The following DPY19L1 variants were observed in gnomAD, a reference collection of about 807,000 sequenced individuals.
DPY19L1 encodes the protein protein C-mannosyl-transferase DPY19L1.
Under a neutral mutation model 96.9 loss-of-function variants are expected in DPY19L1, and 35 were observed. The observed-to-expected ratio is 0.36, with a 90% CI of 0.28 to 0.48. DPY19L1 has a LOEUF of 0.48. DPY19L1 is among the 20% of genes least tolerant of loss of function. The pLI is 0.99. For missense variants in DPY19L1, 521 were observed against 777.9 expected, an observed-to-expected ratio of 0.67 and a Z score of 3.93; for synonymous variants, 205 against 252.6, an observed-to-expected ratio of 0.81 and a Z score of 1.79.
In DPY19L1 at chr7:34,939,267, T is replaced by C; in HGVS notation, c.1964+9A>G. On this transcript the variant is annotated intron_variant, in intron 20 of 21. Transcript: ENST00000638088. Reference sequence around the variant, plus strand: ...GGTTTGTTTTGATGATGCAAGACTGTGCACTGACCTCAAGCCTGCGTCTTC... The same window carrying C: ...GGTTTGTTTTGATGATGCAAGACTGCGCACTGACCTCAAGCCTGCGTCTTC... 2 of 1,612,106 alleles carry C rather than the reference T, an allele frequency of 1.2e-6. No homozygotes were observed. Among genetic ancestry groups the C allele is most frequent in the Non-Finnish European group, 1.7e-6 (2 of 1,179,338 alleles).
chr7:35,022,803 T>C (rs1426237246), intron 1 of DPY19L1, among the ~76,000 whole-genome samples: 2 of 152,190 alleles, frequency 1.3e-5, no homozygotes, highest in Non-Finnish European at 1.5e-5. Flanking sequence ...TCATCCTTTT[T>C]CACCAATGGA....
intron 13 of DPY19L1, among the ~76,000 whole-genome samples, chr7:34,950,740 A>G (rs548572442): frequency 2.6e-5 from 4 of 152,350 alleles, no homozygotes; most frequent in East Asian, 1.9e-4. Flanking sequence ...GCTGATAAGC[A>G]TAAGAAATCA....
At chr7:34,983,636 T>C (rs1007308056) in intron 7 of DPY19L1, among the ~76,000 whole-genome samples, 19 of 148,908 alleles carry the variant, frequency 1.3e-4, no homozygotes, top group Middle Eastern at 3.4e-3. Flanking sequence ...CCAACTCCTA[T>C]ACATGGCAAG....
At chr7:34,967,348 T>A (rs1784633080) in intron 9 of DPY19L1, among the ~76,000 whole-genome samples, 1 of 152,158 alleles carries the variant, frequency 6.6e-6, no homozygotes, top group Non-Finnish European at 1.5e-5. Context: ...GAAGGTACAT[T>A]TAACTGAAAA....
At chr7:34,982,879 G>T (rs1380675951) in intron 7 of DPY19L1, among the ~76,000 whole-genome samples, 1 of 152,118 alleles carries the variant, frequency 6.6e-6, no homozygotes, top group Non-Finnish European at 1.5e-5. Flanking sequence ...TTGGTTTCGG[G>T]GCCTTGGCAC....
chr7:35,023,000 T>G (rs550726557), intron 1 of DPY19L1, among the ~76,000 whole-genome samples: 1 of 152,268 alleles, frequency 6.6e-6, no homozygotes, highest in East Asian at 1.9e-4. Flanking sequence ...ATTTCCTTCC[T>G]GCCCCAGCTC....
At chr7:34,984,190 A>C (rs765251363) in intron 7 of DPY19L1, among the ~76,000 whole-genome samples, 2 of 152,342 alleles carry the variant, frequency 1.3e-5, no homozygotes, top group Non-Finnish European at 2.9e-5. Flanking sequence ...TGCTAAATAA[A>C]ATTCTTAAAA....
intron 6 of DPY19L1, among the ~76,000 whole-genome samples, chr7:34,993,608 GC>G (rs984994888): frequency 8.2e-6 from 1 of 121,398 alleles, no homozygotes. Flanking sequence ...TCCCAACCCT[GC>G]CCCCCCACCC....
At chr7:34,939,187 A>G (rs1783938665) in intron 20 of DPY19L1, 89 bp downstream of exon 20, 2 of 1,178,062 alleles carry the variant, frequency 1.7e-6, no homozygotes, top group African/African-American at 3.1e-5. Context: ...TATCCTTTTG[A>G]AACATTCCTT....
chr7:34,932,395 A>T (rs1179702934), intron 21 of DPY19L1, among the ~76,000 whole-genome samples: 1 of 152,220 alleles, frequency 6.6e-6, no homozygotes, highest in Admixed American at 6.5e-5. Flanking sequence ...CATCAAATAC[A>T]AATGCTATTT....
chr7:35,011,654 A>G (rs1203068606), intron 4 of DPY19L1, among the ~76,000 whole-genome samples: 1 of 152,208 alleles, frequency 6.6e-6, no homozygotes, highest in East Asian at 1.9e-4. Flanking sequence ...TCCATGGGTA[A>G]GGACAAAATA....
chr7:35,017,565 A>C lies in DPY19L1; in HGVS notation c.411+317T>G, dbSNP rs556955347. 8.5e-3 allele frequency among the ~76,000 whole-genome samples: 1,194 copies of C among 141,012 alleles called. 21 individuals are homozygous for C. Among genetic ancestry groups the C allele is most frequent in the African/African-American group, 0.03 (1,144 of 37,774 alleles). The allele number at this position is 141,012 out of a possible 152,430, so 92.5% of individuals were successfully genotyped here. ...CAGGCACCTGTAGTCCCAGCTACTC[A>C]GGAGGCTGAGGCAGGAGAATGGCGT... On this transcript the variant is annotated intron_variant, in intron 3 of 21. Transcript: ENST00000638088.
intron 6 of DPY19L1, among the ~76,000 whole-genome samples, chr7:35,003,184 A>G (rs896533575): frequency 2.0e-5 from 3 of 152,212 alleles, no homozygotes; most frequent in African/African-American, 4.8e-5. Context: ...CTTCCCAGCT[A>G]TCTACTCTCA....
intron 7 of DPY19L1, among the ~76,000 whole-genome samples, chr7:34,985,798 C>A (rs886914993): frequency 2.0e-5 from 3 of 151,844 alleles, no homozygotes; most frequent in African/African-American, 7.2e-5. Flanking sequence ...AATAGCAATC[C>A]CACTTCAGAG....
intron 1 of DPY19L1, among the ~76,000 whole-genome samples, chr7:35,023,837 T>C (rs1323439533): frequency 1.4e-5 from 2 of 140,978 alleles, no homozygotes; most frequent in African/African-American, 2.6e-5. Flanking sequence ...TCTTTTCTTT[T>C]TTTTTTTTTT....
At chr7:34,946,899 T>C (rs1005116794) in intron 15 of DPY19L1, among the ~76,000 whole-genome samples, 10 of 152,170 alleles carry the variant, frequency 6.6e-5, no homozygotes, top group African/African-American at 2.4e-4. Context: ...CAAAGCAGAG[T>C]ACAAATATAT....
intron 7 of DPY19L1, chr7:34,988,228 T>G (rs548249281): frequency 3.3e-5 from 5 of 152,122 alleles, no homozygotes; most frequent in Non-Finnish European, 7.4e-5. Flanking sequence ...CAAACAGTGG[T>G]CTTCCTGGTG....
At chr7:34,995,047 C>G (rs1224796534) in intron 6 of DPY19L1, among the ~76,000 whole-genome samples, 2 of 152,062 alleles carry the variant, frequency 1.3e-5, no homozygotes, top group African/African-American at 4.8e-5. Flanking sequence ...CGATTTTTTT[C>G]TATACACTTT....
chr7:34,999,004 C>A (rs1221043165), intron 6 of DPY19L1, among the ~76,000 whole-genome samples: 5 of 152,122 alleles, frequency 3.3e-5, no homozygotes, highest in Non-Finnish European at 5.9e-5. Flanking sequence ...AGTCCAATAT[C>A]CAATCACTAA....
Sources: gnomAD v4.1 joint callset for allele counts (sites outside exome capture counted in the v4.1 genomes callset) on GRCh38, gnomAD v4.1.1 for gene constraint, MANE v1.5 for transcripts, NCBI Gene and HGNC (gene_info 2026-07-23, HGNC 2026-07-21) for gene names.